The following GOLGB1 variants were observed in gnomAD, a reference collection of about 807,000 sequenced individuals.
GOLGB1 encodes the protein golgin subfamily B member 1.
A neutral mutation model predicts 336.9 loss-of-function variants in GOLGB1; 174 were observed. The ratio of observed to expected loss-of-function variants is 0.52; its 90% confidence interval spans 0.46 to 0.59. The LOEUF (loss-of-function observed/expected upper bound fraction) is 0.59, where lower values mean the gene tolerates loss of function less well. Among genes scored for constraint, GOLGB1 ranks in the 20% least tolerant of loss-of-function variants. The probability of loss-of-function intolerance (pLI) is 0.00; values close to 1 mark genes in which losing one functional copy is unlikely to be tolerated. For missense variants in GOLGB1, 3,331 were observed against 3,645.3 expected, an observed-to-expected ratio of 0.91 and a Z score of 2.22; for synonymous variants, 1,208 against 1,289.2, an observed-to-expected ratio of 0.94 and a Z score of 1.35.
In GOLGB1 at chr3:121,694,370, T is replaced by C. The variant is rs748863743; in HGVS notation, c.6153A>G (p.Glu2051=). The change falls in exon 13 of 22, where the codon GAA becomes GAG. Residue 2051 remains glutamate (E), a synonymous_variant. Coordinates refer to ENST00000614479, the MANE Select transcript of GOLGB1 (RefSeq NM_001366282.2). ...CTTTTTGAGATTCAGTTTGAACAAA[T>C]TCTAGAGCTTTAACAGTTCTCTCCA... is the stretch of plus-strand genomic sequence containing the variant. ...SALERTVKAL[E]FVQTESQKDL... is the part of the protein sequence containing the mutation. 6.2e-7 allele frequency: 1 copy of C among 1,613,396 alleles called. No individual in the cohort carries two copies. The highest frequency in any genetic ancestry group is 1.3e-5 in the African/African-American group (1 of 74,894).
At position 121,698,995 on chromosome 3, in the gene GOLGB1, C is replaced by A; in HGVS notation, c.1594-66G>T. 5 of 1,228,888 alleles carry A rather than the reference C, an allele frequency of 4.1e-6. No homozygotes were observed. In the South Asian group the frequency reaches 4.8e-5, roughly 12 times the overall value. 76.1% of individuals were successfully genotyped at this position (1,228,888 alleles called of 1,614,324 possible). Reference sequence around the variant, plus strand: ...TTATAACATTAAAAAAATAGCCCAACTAAAAACTTGTATTTCATCTTCTAA... The same window carrying A: ...TTATAACATTAAAAAAATAGCCCAAATAAAAACTTGTATTTCATCTTCTAA... On this transcript the variant is annotated intron_variant, in intron 12 of 21. Coordinates refer to ENST00000614479, the MANE Select transcript of GOLGB1 (RefSeq NM_001366282.2).
rs1940481559 is a variant in GOLGB1, at chr3:121,677,029, G to A, written c.9041C>T (p.Ala3014Val). Residue 3014 changes from alanine (A) to valine (V), a missense_variant and splice_region_variant, in exon 17 of 22, where the codon GCA becomes GTA. Ala to Val is a moderately conservative substitution (Grantham distance 64). Coordinates refer to ENST00000614479, the MANE Select transcript of GOLGB1 (RefSeq NM_001366282.2). ...QPLKVQYQRQASPETSASPDG... is the reference protein window; with the variant it reads ...QPLKVQYQRQVSPETSASPDG... The stretch of plus-strand genomic sequence containing the variant: ...TGGGGAAGCTGATGTCTCTGGGGAT[G>A]CCTGCCAGGACACAAACATTGATCA... 1.2e-6 allele frequency: 2 copies of A among 1,613,776 alleles called. No individual in the cohort carries two copies. Among genetic ancestry groups the A allele is most frequent in the East Asian group, 2.2e-5 (1 of 44,870 alleles).
Position 121,696,371 on chromosome 3 carries a change from T to C in GOLGB1, c.4152A>G (p.Leu1384=), listed in dbSNP as rs1191867694. The part of the protein sequence containing the change: ...SLQQKLESSQ[L]QIAGLEHLRE... Reference sequence around the variant, plus strand: ...TTAGATGTTCTAGGCCAGCAATTTGTAGTTGGCTGCTTTCCAATTTCTGCT... The same window carrying C: ...TTAGATGTTCTAGGCCAGCAATTTGCAGTTGGCTGCTTTCCAATTTCTGCT... Residue 1384 remains leucine (L), a synonymous_variant, in exon 13 of 22, where the codon CTA becomes CTG. Transcript: ENST00000614479. The C allele has an allele frequency of 6.2e-7, 1 of 1,614,186 alleles. No homozygotes were observed. The highest frequency in any genetic ancestry group is 8.5e-7 in the Non-Finnish European group (1 of 1,180,010).
At position 121,681,848 on chromosome 3, in the gene GOLGB1, ATTC is replaced by A; in HGVS notation, c.8709_8711del (p.Lys2903del). The A allele has an allele frequency of 6.2e-7, 1 of 1,600,784 alleles. No homozygotes were observed. Among genetic ancestry groups the A allele is most frequent in the Middle Eastern group, 1.7e-4 (1 of 6,006 alleles). On this transcript the variant is annotated inframe_deletion, in exon 15 of 22. Transcript: ENST00000614479. Reference sequence around the variant, plus strand: ...TAATCTGTAAGTATTGCTGCTGCAGATTCTTCAATTCCTTCAGCTTTAACCAAA... The same window carrying A: ...TAATCTGTAAGTATTGCTGCTGCAGATTCAATTCCTTCAGCTTTAACCAAA...
chr3:121,718,704 A>C (rs1301034092), intron 7 of GOLGB1, among the ~76,000 whole-genome samples: 1 of 152,160 alleles, frequency 6.6e-6, no homozygotes, highest in Non-Finnish European at 1.5e-5. Flanking sequence ...GAGCACCAAC[A>C]ACAACCAGAC....
At chr3:121,686,994 C>A (rs192712745) in intron 14 of GOLGB1, among the ~76,000 whole-genome samples, 1 of 152,086 alleles carries the variant, frequency 6.6e-6, no homozygotes, top group Admixed American at 6.5e-5. Flanking sequence ...AGGGTCTTGG[C>A]CAGGTGTGGT....
At chr3:121,677,058 T>G (rs1169773128) in intron 16 of GOLGB1, 28 bp from the exon 17 acceptor site, 2 of 1,613,484 alleles carry the variant, frequency 1.2e-6, no homozygotes, top group South Asian at 2.2e-5. Flanking sequence ...TTGATCAGAT[T>G]CTCTCCTAAG....
intron 10 of GOLGB1, among the ~76,000 whole-genome samples, chr3:121,706,277 C>T (rs952821096): frequency 6.6e-6 from 1 of 152,016 alleles, no homozygotes; most frequent in Non-Finnish European, 1.5e-5. Flanking sequence ...GGCAGAAAAT[C>T]TTCCAAAACT....
In GOLGB1 at chr3:121,730,916, T is replaced by C. The variant is rs375748195; in HGVS notation, c.56A>G (p.Asp19Gly). 21 of 1,612,108 alleles carry C rather than the reference T, an allele frequency of 1.3e-5. No individual in the cohort carries two copies. The African/African-American group carries it at 2.5e-4, about 19-fold the overall frequency. ...CCTCATATTCTGATCAGTGTCATCATCTCCTGATAATTCATGCAAAACAAC... is the reference window on the plus strand; with the variant it reads ...CCTCATATTCTGATCAGTGTCATCACCTCCTGATAATTCATGCAAAACAAC... Reference protein sequence around the residue: ...ANVVLHELSGDDDTDQNMRAP... With the variant: ...ANVVLHELSGGDDTDQNMRAP... Residue 19 changes from aspartate (D) to glycine (G), a missense_variant, in exon 2 of 22, where the codon GAT (aspartate) becomes GGT (glycine). Transcript: ENST00000614479.
At chr3:121,709,101 T>G (rs991413428) in intron 10 of GOLGB1, among the ~76,000 whole-genome samples, 1 of 152,130 alleles carries the variant, frequency 6.6e-6, no homozygotes. Flanking sequence ...TTACTACAGA[T>G]AGAGTAACAT....
chr3:121,727,288 AC>A, intron 4 of GOLGB1, among the ~76,000 whole-genome samples: 1 of 49,504 alleles, frequency 2.0e-5, no homozygotes, highest in African/African-American at 5.7e-5. Flanking sequence ...ACATACACAC[AC>A]ACACATATAT....
intron 1 of GOLGB1, among the ~76,000 whole-genome samples, chr3:121,739,803 T>C (rs1005737420): frequency 6.6e-6 from 1 of 152,180 alleles, no homozygotes; most frequent in Admixed American, 6.5e-5. Flanking sequence ...TAATAGACGG[T>C]TAAGCAAACT....
intron 8 of GOLGB1, among the ~76,000 whole-genome samples, chr3:121,717,635 G>C (rs1944880404): frequency 6.6e-6 from 1 of 152,166 alleles, no homozygotes; most frequent in Non-Finnish European, 1.5e-5. Flanking sequence ...TCATACTCAA[G>C]AGAATATTGC....
Position 121,696,278 on chromosome 3 carries a change from G to A in GOLGB1, c.4245C>T (p.Tyr1415=), listed in dbSNP as rs1942937236. Residue 1415 remains tyrosine (Y), a synonymous_variant, in exon 13 of 22, where the codon TAC becomes TAT. Transcript: ENST00000614479. ...CTTTCTCACTAAGTTGTCCAGAAAG[G>A]TAGCTAACGTCTTCTTCCTTTTTGC... ...LISKKEEDVS[Y]LSGQLSEKEA... 1 of 1,614,006 alleles carries A rather than the reference G, an allele frequency of 6.2e-7. No individual in the cohort carries two copies. The highest frequency in any genetic ancestry group is 2.2e-5 in the East Asian group (1 of 44,880).
At chr3:121,716,615 C>G (rs1302139046) in intron 9 of GOLGB1, 122 bp downstream of exon 9, 17 of 757,972 alleles carry the variant, frequency 2.2e-5, no homozygotes, top group Non-Finnish European at 3.3e-5. Flanking sequence ...AGCTGTTTTT[C>G]TCAGTCCTTC....
intron 20 of GOLGB1, among the ~76,000 whole-genome samples, chr3:121,667,119 A>T (rs1938736214): frequency 6.6e-6 from 1 of 152,192 alleles, no homozygotes; most frequent in Non-Finnish European, 1.5e-5. Context: ...TAATCTTTTA[A>T]AAAAGATTTC....
At position 121,717,724 on chromosome 3, in the gene GOLGB1, C is replaced by A. The variant is rs537906910; in HGVS notation, c.886-585G>T. 2.6e-5 allele frequency among the ~76,000 whole-genome samples: 4 copies of A among 152,238 alleles called. No homozygotes were observed. The East Asian group carries it at 7.7e-4, about 29-fold the overall frequency. On this transcript the variant is annotated intron_variant, in intron 8 of 21. Coordinates refer to ENST00000614479, the MANE Select transcript of GOLGB1 (RefSeq NM_001366282.2). ...ATGGGCTGTACATAAAGCACAAAAACCATTCAAGACAGAGAAGAGTAACTG... is the reference window on the plus strand; with the variant it reads ...ATGGGCTGTACATAAAGCACAAAAAACATTCAAGACAGAGAAGAGTAACTG...
chr3:121,746,373 A>G (rs9849087), intron 1 of GOLGB1, among the ~76,000 whole-genome samples: 18,036 of 152,254 alleles, frequency 0.12, 1,167 homozygotes, highest in East Asian at 0.24. Context: ...AGTGGTAGCT[A>G]TAACATACAT....
intron 14 of GOLGB1, among the ~76,000 whole-genome samples, chr3:121,684,243 CGAAGGCAAG>C (rs1941479487): frequency 1.1e-5 from 1 of 93,556 alleles, no homozygotes; most frequent in Non-Finnish European, 2.2e-5. Flanking sequence ...AATCAAAAGA[CGAAGGCAAG>C]AAAATCTTCC....
Sources: allele counts gnomAD v4.1 joint callset (sites outside exome capture counted in the v4.1 genomes callset), GRCh38; gene constraint gnomAD v4.1.1; transcripts MANE v1.5; gene names NCBI Gene and HGNC (gene_info 2026-07-23, HGNC 2026-07-21).